Variants in EPHA6 observed in about 807,000 individuals in gnomAD.
EPHA6 encodes the protein ephrin type-A receptor 6.
A neutral mutation model predicts 112.0 loss-of-function variants in EPHA6; 50 were observed. The observed-to-expected ratio is 0.45, with a 90% CI of 0.36 to 0.56. EPHA6 has a LOEUF of 0.56. Ranked by LOEUF, EPHA6 falls within the 20% of genes least tolerant of loss-of-function variation. EPHA6 has a pLI of 0.00. For missense variants in EPHA6, 1,280 were observed against 1,417.4 expected (o/e 0.90, Z 1.56); for synonymous variants, 529 against 490.7 (o/e 1.08, Z -1.03).
intron 10 of EPHA6, among the ~76,000 whole-genome samples, chr3:97,497,757 T>C (rs545708069): frequency 6.6e-6 from 1 of 152,060 alleles, no homozygotes; most frequent in Non-Finnish European, 1.5e-5. Flanking sequence ...TTCTTATGCA[T>C]GTGCGGGGTT....
chr3:97,562,996 C>T (rs2093212219), intron 11 of EPHA6, among the ~76,000 whole-genome samples: 1 of 152,072 alleles, frequency 6.6e-6, no homozygotes, highest in Non-Finnish European at 1.5e-5. Flanking sequence ...TGCTGTTGCA[C>T]ACTTAATAAA....
chr3:97,582,007 T>G (rs2093443318), intron 11 of EPHA6, among the ~76,000 whole-genome samples: 1 of 152,206 alleles, frequency 6.6e-6, no homozygotes, highest in African/African-American at 2.4e-5. Flanking sequence ...TGTTCTTTTT[T>G]ATTTTTATTT....
At chr3:97,644,177 C>T (rs1171534686) in intron 14 of EPHA6, among the ~76,000 whole-genome samples, 1 of 151,998 alleles carries the variant, frequency 6.6e-6, no homozygotes, top group African/African-American at 2.4e-5. Flanking sequence ...ACAACCTGCT[C>T]CTGAATGACT....
intron 3 of EPHA6, among the ~76,000 whole-genome samples, chr3:97,219,203 A>G (rs1281022935): frequency 6.6e-6 from 1 of 151,978 alleles, no homozygotes; most frequent in Admixed American, 6.6e-5. Context: ...GTGGTCTACC[A>G]TTCTGGGGTT....
rs1028575879 is a variant in EPHA6, at chr3:97,747,404, T to G, written c.3129-19T>G. Reference sequence around the variant, plus strand: ...TTTTAAATGCTCTCCATGTTTTGTTTTGTTTTGTTTTCTTACAGAATGCCA... The same window carrying G: ...TTTTAAATGCTCTCCATGTTTTGTTGTGTTTTGTTTTCTTACAGAATGCCA... On this transcript the variant is annotated intron_variant, in intron 16 of 17. Coordinates refer to ENST00000389672, the MANE Select transcript of EPHA6 (RefSeq NM_001080448.3). The G allele has an allele frequency of 1.9e-5, 28 of 1,508,536 alleles. No homozygotes were observed. Among genetic ancestry groups the G allele is most frequent in the Non-Finnish European group, 2.3e-5 (26 of 1,128,438 alleles). 93.4% of individuals were successfully genotyped at this position (1,508,536 alleles called of 1,614,324 possible). A position where few individuals can be genotyped will look rare whatever the true frequency, so the allele number is the denominator to read the frequency against.
chr3:97,185,257 C>G (rs2077094577), intron 3 of EPHA6, among the ~76,000 whole-genome samples: 1 of 152,134 alleles, frequency 6.6e-6, no homozygotes, highest in Admixed American at 6.6e-5. Context: ...GCAAAAGAAA[C>G]TACCATCAGA....
intron 3 of EPHA6, among the ~76,000 whole-genome samples, chr3:97,060,219 T>G (rs942321860): frequency 6.6e-6 from 1 of 152,166 alleles, no homozygotes; most frequent in Non-Finnish European, 1.5e-5. Flanking sequence ...TTTATATCAT[T>G]TAATCCTCTG....
chr3:97,722,070 A>C (rs1281009384), intron 15 of EPHA6, among the ~76,000 whole-genome samples: 1 of 152,116 alleles, frequency 6.6e-6, no homozygotes, highest in Non-Finnish European at 1.5e-5. Context: ...CAGATGAGTT[A>C]TAGTCTTCAC....
rs547855988 is a variant in EPHA6 at position 97,333,632 on chromosome 3, A to G, written c.1607-71518A>G. On this transcript the variant is annotated intron_variant, in intron 5 of 17. Transcript: ENST00000389672. ...GAACTATAGGCACACACCACCACAC[A>G]CAGCTGAATATTTTTAATATTTTCC... 2.8e-4 allele frequency among the ~76,000 whole-genome samples: 42 copies of G among 151,338 alleles called. 1 individual carries two copies. Among genetic ancestry groups the G allele is most frequent in the African/African-American group, 7.8e-4 (32 of 41,290 alleles).
intron 2 of EPHA6, among the ~76,000 whole-genome samples, chr3:96,948,019 T>G (rs1191506115): frequency 6.6e-6 from 1 of 152,112 alleles, no homozygotes; most frequent in Non-Finnish European, 1.5e-5. Flanking sequence ...CTACGATAGC[T>G]CATTTCTTTT....
intron 14 of EPHA6, among the ~76,000 whole-genome samples, chr3:97,713,691 A>G (rs1219132751): frequency 1.3e-5 from 2 of 152,198 alleles, no homozygotes; most frequent in South Asian, 2.1e-4. Context: ...CTACATGTGT[A>G]TTTCAAGGAC....
At chr3:97,096,524 C>A (rs1442971984) in intron 3 of EPHA6, among the ~76,000 whole-genome samples, 1 of 151,752 alleles carries the variant, frequency 6.6e-6, no homozygotes, top group Non-Finnish European at 1.5e-5. Context: ...AACCTCATGC[C>A]TTATGACTTT....
At chr3:96,860,318 T>C (rs540380405) in intron 1 of EPHA6, among the ~76,000 whole-genome samples, 1 of 152,198 alleles carries the variant, frequency 6.6e-6, no homozygotes, top group South Asian at 2.1e-4. Context: ...TTTCACAGAC[T>C]CAAAGTTATT....
Position 97,760,638 on chromosome 3 carries a change from A to G in EPHA6, c.*11937A>G, listed in dbSNP as rs1296752130. 5.6e-6 allele frequency: 1 copy of G among 180,064 alleles called. No homozygotes were observed. The highest frequency in any genetic ancestry group is 2.4e-5 in the African/African-American group (1 of 42,380). 11.2% of individuals were successfully genotyped at this position (180,064 alleles called of 1,614,324 possible). ...AAATTTTAAATGGTAGATGATATCA[A>G]CAATTGCAGTGCACTCAAAATGTTA... On this transcript the variant is annotated 3_prime_UTR_variant, in exon 18 of 18. Coordinates refer to ENST00000389672, the MANE Select transcript of EPHA6 (RefSeq NM_001080448.3).
At chr3:96,949,478 G>A (rs1267521656) in intron 2 of EPHA6, among the ~76,000 whole-genome samples, 2 of 151,902 alleles carry the variant, frequency 1.3e-5, no homozygotes, top group African/African-American at 4.8e-5. Flanking sequence ...GACATGATGG[G>A]ACTTTTTGAG....
At chr3:97,377,225 G>A (rs1577153606) in intron 5 of EPHA6, among the ~76,000 whole-genome samples, 1 of 152,102 alleles carries the variant, frequency 6.6e-6, no homozygotes, top group Non-Finnish European at 1.5e-5. Context: ...TGTTCTCATG[G>A]TAGTGAATAA....
chr3:96,869,822 A>G (rs980345592), intron 2 of EPHA6, among the ~76,000 whole-genome samples: 1 of 152,110 alleles, frequency 6.6e-6, no homozygotes, highest in African/African-American at 2.4e-5. Flanking sequence ...AATTGATGTT[A>G]GGAAAACAAA....
In EPHA6 at chr3:97,198,020, T is replaced by C. The variant is rs181112909; in HGVS notation, c.1115-28244T>C. 2.5e-3 allele frequency among the ~76,000 whole-genome samples: 381 copies of C among 152,192 alleles called. 3 individuals are homozygous for C. Among genetic ancestry groups the C allele is most frequent in the African/African-American group, 8.8e-3 (366 of 41,548 alleles). The stretch of plus-strand genomic sequence containing the variant: ...CCCTTTCCCAAACACACAGATTCTC[T>C]CTCAGCACCATGAGCCCCCTGCCAG... On this transcript the variant is annotated intron_variant, in intron 3 of 17. Transcript: ENST00000389672.
chr3:96,993,368 C>T (rs550295352), intron 3 of EPHA6, among the ~76,000 whole-genome samples: 7 of 151,630 alleles, frequency 4.6e-5, no homozygotes, highest in South Asian at 2.1e-4. Flanking sequence ...GCGATCTTGC[C>T]GCACTGCAAC....
Sources: gnomAD v4.1 joint callset for allele counts (sites outside exome capture counted in the v4.1 genomes callset) on GRCh38, gnomAD v4.1.1 for gene constraint, MANE v1.5 for transcripts, NCBI Gene and HGNC (gene_info 2026-07-23, HGNC 2026-07-21) for gene names.